The following VWA3A variants were observed in gnomAD, a reference collection of about 807,000 sequenced individuals.
VWA3A encodes von Willebrand factor A domain-containing protein 3A.
Under a neutral mutation model 160.4 loss-of-function variants are expected in VWA3A, and 134 were observed. The ratio of observed to expected loss-of-function variants is 0.84; its 90% CI spans 0.73 to 0.96. VWA3A has a LOEUF of 0.96. Among genes scored for constraint, VWA3A ranks in the 40% least tolerant of loss-of-function variants. VWA3A has a pLI of 0.00. For synonymous variants in VWA3A, 476 were observed against 543.4 expected (o/e 0.88, Z 1.72); for missense variants, 1,310 against 1,447.9 (o/e 0.90, Z 1.55).
Position 22,156,103 on chromosome 16 carries a change from T to C in VWA3A, c.*86T>C. ...GAGGGCAGGATGGGATGAAATGCTG[T>C]GACCTGCAGGAAACATGATTCCTGG... On this transcript the variant is annotated 3_prime_UTR_variant, in exon 34 of 34. Transcript: ENST00000389398. 1.6e-6 allele frequency: 1 copy of C among 627,378 alleles called. No homozygotes were observed. The highest frequency in any genetic ancestry group is 2.0e-5 in the South Asian group (1 of 49,474). The allele number at this position is 627,378 out of a possible 1,614,324, so 38.9% of individuals were successfully genotyped here.
intron 11 of VWA3A, among the ~76,000 whole-genome samples, chr16:22,117,570 A>G (rs2045668810): frequency 1.3e-5 from 2 of 152,330 alleles, no homozygotes; most frequent in South Asian, 2.1e-4. Context: ...AACTCCTGCT[A>G]CTGCAGGGAA....
chr16:22,142,457 G>T (rs1378781745), intron 24 of VWA3A, among the ~76,000 whole-genome samples: 1 of 151,996 alleles, frequency 6.6e-6, no homozygotes, highest in African/African-American at 2.4e-5. Flanking sequence ...TTATTTAACA[G>T]CCAGCCCTTG....
chr16:22,148,356 T>C (rs2142018367), intron 28 of VWA3A, 50 bp downstream of exon 28: 1 of 1,543,642 alleles, frequency 6.5e-7, no homozygotes, highest in Non-Finnish European at 8.7e-7. Context: ...TTCCTGGGGC[T>C]TCCCTGGCCA....
intron 3 of VWA3A, 115 bp from the exon 4 acceptor site, chr16:22,100,075 CAAAA>C: frequency 3.9e-6 from 4 of 1,026,316 alleles, no homozygotes; most frequent in Non-Finnish European, 2.6e-6. Flanking sequence ...AACTCCGTCT[CAAAA>C]AAAAAAAAAG....
intron 6 of VWA3A, among the ~76,000 whole-genome samples, chr16:22,107,137 A>G (rs1598051083): frequency 6.6e-6 from 1 of 152,334 alleles, no homozygotes; most frequent in South Asian, 2.1e-4. Flanking sequence ...TTTAGCATTC[A>G]GATGGTATTC....
chr16:22,148,060 G>T, intron 27 of VWA3A, 102 bp from the exon 28 acceptor site: 1 of 1,378,798 alleles, frequency 7.3e-7, no homozygotes, highest in Non-Finnish European at 9.6e-7. Flanking sequence ...CAGGCAACAG[G>T]TGTCACAAGA....
In VWA3A at chr16:22,097,044, C is replaced by G. The variant is rs1598041371; in HGVS notation, c.101+99C>G. ...GCAGTGGCACAATCTAGGCTCACTG[C>G]AAGCTCTGCCCTCCGGGTTCATGCC... On this transcript the variant is annotated intron_variant, in intron 2 of 33. Coordinates refer to ENST00000389398, the MANE Select transcript of VWA3A (RefSeq NM_173615.5). 4 of 749,026 alleles carry G rather than the reference C, an allele frequency of 5.3e-6. No homozygotes were observed. The South Asian group carries it at 5.4e-5, about 10-fold the overall frequency. 46.4% of individuals were successfully genotyped at this position (749,026 alleles called of 1,614,324 possible).
At chr16:22,127,821 G>T (rs2045877601) in intron 17 of VWA3A, among the ~76,000 whole-genome samples, 2 of 152,204 alleles carry the variant, frequency 1.3e-5, no homozygotes, top group South Asian at 4.1e-4. Context: ...GGATGTTAAG[G>T]AGTGCTGTTA....
intron 16 of VWA3A, among the ~76,000 whole-genome samples, chr16:22,124,053 T>C (rs2045795955): frequency 6.6e-6 from 1 of 151,884 alleles, no homozygotes; most frequent in Non-Finnish European, 1.5e-5. Context: ...TGTACACCTG[T>C]AGTCCCAGCC....
intron 31 of VWA3A, among the ~76,000 whole-genome samples, chr16:22,154,852 G>T (rs917578115): frequency 6.7e-6 from 1 of 150,260 alleles, no homozygotes; most frequent in African/African-American, 2.4e-5. Context: ...TGCTCGGGAG[G>T]CTGAGGCAGG....
rs572506911 is a variant in VWA3A at position 22,131,808 on chromosome 16, T to C, written c.1872+79T>C. Reference sequence around the variant, plus strand: ...CCCCCAGGTGGATACCTTGCCAAGGTTTCTGCAGCATGATTTCTAAACCAG... The same window carrying C: ...CCCCCAGGTGGATACCTTGCCAAGGCTTCTGCAGCATGATTTCTAAACCAG... On this transcript the variant is annotated intron_variant, in intron 19 of 33. Coordinates refer to ENST00000389398, the MANE Select transcript of VWA3A (RefSeq NM_173615.5). 2.0e-6 allele frequency: 3 copies of C among 1,508,626 alleles called. No individual in the cohort carries two copies. In the East Asian group the frequency reaches 6.9e-5, roughly 35 times the overall value. 93.5% of individuals were successfully genotyped at this position (1,508,626 alleles called of 1,614,324 possible).
rs1030255581 is a variant in VWA3A at position 22,097,384 on chromosome 16, A to T, written c.102-188A>T. 2.6e-5 allele frequency among the ~76,000 whole-genome samples: 4 copies of T among 152,196 alleles called. No homozygotes were observed. The South Asian group carries it at 8.3e-4, about 32-fold the overall frequency. Reference sequence around the variant, plus strand: ...GCCACCTGAGGGCTTTAGTTATCTAAATAATAAAATATCTCATGGAACTGG... The same window carrying T: ...GCCACCTGAGGGCTTTAGTTATCTATATAATAAAATATCTCATGGAACTGG... On this transcript the variant is annotated intron_variant, in intron 2 of 33. Coordinates refer to ENST00000389398, the MANE Select transcript of VWA3A (RefSeq NM_173615.5).
intron 2 of VWA3A, 56 bp from the exon 3 acceptor site, chr16:22,097,516 G>A: frequency 6.5e-7 from 1 of 1,541,982 alleles, no homozygotes; most frequent in Non-Finnish European, 8.7e-7. Context: ...GGCACTGGGG[G>A]TATCAAACCT....
At chr16:22,121,359 C>T (rs1334764188) in intron 13 of VWA3A, among the ~76,000 whole-genome samples, 155 bp from the exon 14 acceptor site, 1 of 152,130 alleles carries the variant, frequency 6.6e-6, no homozygotes. Flanking sequence ...CAGGAGAATA[C>T]CTTGAGCCCA....
At chr16:22,102,959 C>T in intron 5 of VWA3A, among the ~76,000 whole-genome samples, 1 of 152,230 alleles carries the variant, frequency 6.6e-6, no homozygotes, top group East Asian at 1.9e-4. Flanking sequence ...GTCATTTATC[C>T]TGTGCACTGT....
chr16:22,149,553 G>C (rs973099629), intron 28 of VWA3A, among the ~76,000 whole-genome samples: 2 of 152,112 alleles, frequency 1.3e-5, no homozygotes, highest in African/African-American at 4.8e-5. Context: ...CTTGGGCTGG[G>C]ATTTAAATCT....
intron 7 of VWA3A, 33 bp downstream of exon 7, chr16:22,109,613 A>T: frequency 6.4e-7 from 1 of 1,569,704 alleles, no homozygotes; most frequent in Non-Finnish European, 8.7e-7. Context: ...AACACCTGGA[A>T]CCACCCACTA....
intron 12 of VWA3A, among the ~76,000 whole-genome samples, chr16:22,120,648 G>A (rs1018897562): frequency 1.3e-5 from 2 of 152,162 alleles, no homozygotes; most frequent in African/African-American, 2.4e-5. Flanking sequence ...CTCACTAAGT[G>A]ATTTGCTGCA....
In VWA3A at chr16:22,142,544, C is replaced by T; in HGVS notation, c.2495-124C>T. ...GAGCATTGATCTATTCATGAGGGATCCGTTCCCATGACCCAAACACCTCCC... is the reference window on the plus strand; with the variant it reads ...GAGCATTGATCTATTCATGAGGGATTCGTTCCCATGACCCAAACACCTCCC... On this transcript the variant is annotated intron_variant, in intron 24 of 33. Coordinates refer to ENST00000389398, the MANE Select transcript of VWA3A (RefSeq NM_173615.5). The T allele has an allele frequency of 7.3e-6, 5 of 682,214 alleles. 1 individual carries two copies. Among genetic ancestry groups the T allele is most frequent in the South Asian group, 5.1e-5 (3 of 59,102 alleles). The allele number at this position is 682,214 out of a possible 1,614,324, so 42.3% of individuals were successfully genotyped here. A position where few individuals can be genotyped will look rare whatever the true frequency, so the allele number is the denominator to read the frequency against.
Sources: gnomAD v4.1 joint callset for allele counts (sites outside exome capture counted in the v4.1 genomes callset) on GRCh38, gnomAD v4.1.1 for gene constraint, MANE v1.5 for transcripts, NCBI Gene and HGNC (gene_info 2026-07-23, HGNC 2026-07-21) for gene names.